NTM: variants seen among roughly 807,000 people sequenced by gnomAD.
NTM encodes the protein neurotrimin, also known as IgLON family member 2.
Under a neutral mutation model 42.1 loss-of-function variants are expected in NTM, and 13 were observed. That is an observed-to-expected ratio of 0.31 (90% CI 0.20 to 0.49). NTM has a LOEUF of 0.49. Among genes scored for constraint, NTM ranks in the 20% least tolerant of loss-of-function variants. The probability of loss-of-function intolerance (pLI) is 0.99; values close to 1 mark genes in which losing one functional copy is unlikely to be tolerated. For missense variants in NTM, 373 were observed against 452.8 expected (o/e 0.82, Z 1.60); for synonymous variants, 187 against 179.2 (o/e 1.04, Z -0.35).
chr11:132,073,808 A>G (rs1484277046), intron 2 of NTM, among the ~76,000 whole-genome samples: 1 of 152,132 alleles, frequency 6.6e-6, no homozygotes, highest in Admixed American at 6.5e-5. Context: ...CAATTTCTCA[A>G]TTCAGTTCTT....
At chr11:131,980,840 G>T (rs2065118950) in intron 2 of NTM, among the ~76,000 whole-genome samples, 1 of 152,168 alleles carries the variant, frequency 6.6e-6, no homozygotes, top group South Asian at 2.1e-4. Flanking sequence ...AGTAATGAGG[G>T]CAAAGAGGAA....
At chr11:131,802,013 ATT>A (rs35008589) in intron 1 of NTM, among the ~76,000 whole-genome samples, 1 of 151,814 alleles carries the variant, frequency 6.6e-6, no homozygotes, top group Non-Finnish European at 1.5e-5. Flanking sequence ...GCCTTGTATA[ATT>A]TTTTTAGGTG....
chr11:132,305,397 G>T (rs577326087), intron 4 of NTM, among the ~76,000 whole-genome samples: 6 of 152,316 alleles, frequency 3.9e-5, no homozygotes, highest in Non-Finnish European at 8.8e-5. Flanking sequence ...AGAAACAGCT[G>T]TCCAGAGCTA....
chr11:132,124,087 A>T (rs1267232687), intron 2 of NTM, among the ~76,000 whole-genome samples: 25 of 152,142 alleles, frequency 1.6e-4, no homozygotes, highest in Admixed American at 1.6e-3. Flanking sequence ...GGCTCACATA[A>T]CATGATCTGA....
At chr11:132,197,378 A>C (rs2138386511) in intron 3 of NTM, among the ~76,000 whole-genome samples, 1 of 152,218 alleles carries the variant, frequency 6.6e-6, no homozygotes, top group Middle Eastern at 3.4e-3. Flanking sequence ...TTGTGTGTGT[A>C]ATTCTATTTT....
chr11:131,775,258 G>A (rs951838968), intron 1 of NTM, among the ~76,000 whole-genome samples: 1 of 152,164 alleles, frequency 6.6e-6, no homozygotes, highest in African/African-American at 2.4e-5. Flanking sequence ...TGTGCTTGGT[G>A]CCTTTATTTA....
intron 4 of NTM, among the ~76,000 whole-genome samples, chr11:132,240,615 C>T (rs1394302229): frequency 2.6e-5 from 4 of 152,194 alleles, no homozygotes; most frequent in Non-Finnish European, 4.4e-5. Context: ...CTGGAGACTA[C>T]GCATTTGCCA....
intron 1 of NTM, among the ~76,000 whole-genome samples, chr11:131,609,338 A>G (rs543153344): frequency 6.6e-6 from 1 of 152,348 alleles, no homozygotes; most frequent in South Asian, 2.1e-4. Context: ...TAAAGCTTAG[A>G]AGTGTGGTCA....
intron 2 of NTM, among the ~76,000 whole-genome samples, chr11:132,048,033 C>T (rs74386610): frequency 0.029 from 4,387 of 151,798 alleles, 224 homozygotes; most frequent in African/African-American, 0.099. Context: ...AGTATGTCTG[C>T]GTGTGTACAT....
Position 132,314,655 on chromosome 11 carries a change from G to A in NTM, c.886G>A (p.Val296Met), listed in dbSNP as rs756339914. The change falls in exon 7 of 9, where the codon GTG (valine) becomes ATG (methionine). Residue 296 changes from valine (V) to methionine (M), a missense_variant. Transcript: ENST00000683400. ...ACATGACTATGGGAACTACACTTGCGTGGCCTCCAACAAGCTGGGCCACAC... is the reference window on the plus strand; with the variant it reads ...ACATGACTATGGGAACTACACTTGCATGGCCTCCAACAAGCTGGGCCACAC... Reference protein sequence around the residue: ...SEHDYGNYTCVASNKLGHTNA... With the variant: ...SEHDYGNYTCMASNKLGHTNA... The A allele has an allele frequency of 4.3e-5, 70 of 1,613,628 alleles. No homozygotes were observed. Among genetic ancestry groups the A allele is most frequent in the South Asian group, 1.9e-4 (17 of 90,954 alleles).
At chr11:131,820,443 T>A (rs1026166129) in intron 1 of NTM, among the ~76,000 whole-genome samples, 2 of 152,226 alleles carry the variant, frequency 1.3e-5, no homozygotes, top group Admixed American at 6.5e-5. Context: ...TTTTCATTTT[T>A]AAATATGTAT....
intron 1 of NTM, among the ~76,000 whole-genome samples, chr11:131,636,189 C>T (rs537554509): frequency 2.6e-5 from 4 of 152,148 alleles, no homozygotes; most frequent in Non-Finnish European, 5.9e-5. Flanking sequence ...CAGAGCCCCA[C>T]CACGGAGGAC....
chr11:132,019,891 C>T (rs1227441804), intron 2 of NTM, among the ~76,000 whole-genome samples: 1 of 151,190 alleles, frequency 6.6e-6, no homozygotes, highest in Non-Finnish European at 1.5e-5. Context: ...AGGTTTGTTA[C>T]AAAGGGATCT....
At position 131,616,018 on chromosome 11, in the gene NTM, T is replaced by G. The variant is rs530786361; in HGVS notation, c.82+245130T>G. On this transcript the variant is annotated intron_variant, in intron 1 of 8. Coordinates refer to ENST00000683400, the MANE Select transcript of NTM (RefSeq NM_001352005.2). ...GTATATTCAGCATGTTAGCTGCTGC[T>G]TCACATCCTTGCGTGGCCCTCAAGA... Among the ~76,000 whole-genome samples, 7 of 152,366 alleles carry G rather than the reference T, an allele frequency of 4.6e-5. No individual in the cohort carries two copies. In the South Asian group the frequency reaches 1.4e-3, roughly 32 times the overall value.
rs1248220085 is a variant in NTM, at chr11:132,030,800, A to C, written c.168-115482A>C. ...AAGCAGGAGATGAGAGCAGAGAGAT[A>C]GTGGGAAGCTAGATCACTGAATTAG... is the stretch of plus-strand genomic sequence containing the variant. On this transcript the variant is annotated intron_variant, in intron 2 of 8. Transcript: ENST00000683400. 2.6e-5 allele frequency among the ~76,000 whole-genome samples: 4 copies of C among 152,218 alleles called. No homozygotes were observed. In the East Asian group the frequency reaches 7.7e-4, roughly 29 times the overall value.
rs1200117303 is a variant in NTM at position 132,146,526 on chromosome 11, G to T, written c.400+12G>T. 2.5e-6 allele frequency: 4 copies of T among 1,610,548 alleles called. No homozygotes were observed. Among genetic ancestry groups the T allele is most frequent in the Non-Finnish European group, 3.4e-6 (4 of 1,177,220 alleles). ...CCTCATTGTGCAAGGTAGGTGGGCG[G>T]GGCTTGGCGGGGAGATCTGGCTGGC... On this transcript the variant is annotated intron_variant, in intron 3 of 8. Coordinates refer to ENST00000683400, the MANE Select transcript of NTM (RefSeq NM_001352005.2). The surrounding 1 kb of genome is among the most constrained non-coding windows in gnomAD (Gnocchi z 4.5).
At chr11:132,093,335 T>C (rs1591467280) in intron 2 of NTM, among the ~76,000 whole-genome samples, 1 of 152,328 alleles carries the variant, frequency 6.6e-6, no homozygotes, top group Admixed American at 6.5e-5. Flanking sequence ...ATGCATGCTT[T>C]CTGAGCCCAC....
intron 1 of NTM, among the ~76,000 whole-genome samples, chr11:131,545,921 G>C (rs1222567758): frequency 6.6e-6 from 1 of 152,174 alleles, no homozygotes; most frequent in African/African-American, 2.4e-5. Context: ...AGTGACGCTT[G>C]ACTCAGGGAA....
At chr11:131,784,088 G>A (rs1411412797) in intron 1 of NTM, among the ~76,000 whole-genome samples, 2 of 152,056 alleles carry the variant, frequency 1.3e-5, no homozygotes, top group Non-Finnish European at 2.9e-5. Flanking sequence ...CACAATGAAC[G>A]CCTCTTCCCA....
Sources: allele counts gnomAD v4.1 joint callset (sites outside exome capture counted in the v4.1 genomes callset), GRCh38; gene constraint gnomAD v4.1.1; non-coding constraint Gnocchi (gnomAD v3.1); transcripts MANE v1.5; gene names NCBI Gene and HGNC (gene_info 2026-07-23, HGNC 2026-07-21).